The following NOL7 variants were observed in gnomAD, a reference collection of about 807,000 sequenced individuals.
The protein encoded by NOL7 is U3 small nucleolar RNA-associated protein NOL7.
Under a neutral mutation model 38.4 loss-of-function variants are expected in NOL7, and 36 were observed. The ratio of observed to expected loss-of-function variants is 0.94; its 90% CI spans 0.72 to 1.24. NOL7 has a LOEUF of 1.24. NOL7 is among the 50% of genes most tolerant of loss of function. The pLI is 0.00. For missense variants in NOL7, 350 were observed against 315.1 expected (o/e 1.11, Z -0.84); for synonymous variants, 142 against 126.5 (o/e 1.12, Z -0.82).
chr6:13,620,961 C>A lies in NOL7; in HGVS notation c.*134C>A. ...AAGTGCTCAACCACATTTCATTCTTCTGGAGTAGAACTGTGCCTTGCAATC... is the reference window on the plus strand; with the variant it reads ...AAGTGCTCAACCACATTTCATTCTTATGGAGTAGAACTGTGCCTTGCAATC... On this transcript the variant is annotated 3_prime_UTR_variant, in exon 8 of 8. Transcript: ENST00000451315. 1 of 589,644 alleles carries A rather than the reference C, an allele frequency of 1.7e-6. No individual in the cohort carries two copies. Among genetic ancestry groups the A allele is most frequent in the Non-Finnish European group, 2.9e-6 (1 of 339,714 alleles). The allele number at this position is 589,644 out of a possible 1,614,324, so 36.5% of individuals were successfully genotyped here.
chr6:13,615,896 CAGT>C (rs1323574947), intron 2 of NOL7, 124 bp downstream of exon 2: 2 of 1,014,528 alleles, frequency 2.0e-6, no homozygotes, highest in African/African-American at 3.3e-5. Flanking sequence ...TTGCCTCTGA[CAGT>C]GGTGGAAAGA....
At position 13,615,808 on chromosome 6, in the gene NOL7, A is replaced by G. The variant is rs138699510; in HGVS notation, c.327+36A>G. ...AGGGAGGAGGTGTCTTATTAAAACAACTCGGCTCAGGGAGAATTCCTATGG... is the reference window on the plus strand; with the variant it reads ...AGGGAGGAGGTGTCTTATTAAAACAGCTCGGCTCAGGGAGAATTCCTATGG... On this transcript the variant is annotated intron_variant, in intron 2 of 7. Transcript: ENST00000451315. The G allele has an allele frequency of 2.4e-4, 380 of 1,584,000 alleles. 2 individuals carry two copies. The East Asian group carries it at 5.4e-3, about 22-fold the overall frequency.
chr6:13,621,226 T>C lies in NOL7; in HGVS notation c.*399T>C, dbSNP rs2127755754. The stretch of plus-strand genomic sequence containing the variant: ...ATATAGCTAACAGCTTTTAAATTTT[T>C]ACTTTTAACCAGTCTGGGGATTTGC... On this transcript the variant is annotated 3_prime_UTR_variant, in exon 8 of 8. Coordinates refer to ENST00000451315, the MANE Select transcript of NOL7 (RefSeq NM_016167.5). 1 of 154,554 alleles carries C rather than the reference T, an allele frequency of 6.5e-6. No homozygotes were observed. The highest frequency in any genetic ancestry group is 2.4e-5 in the African/African-American group (1 of 41,596). 9.6% of individuals were successfully genotyped at this position (154,554 alleles called of 1,614,324 possible). A position where few individuals can be genotyped will look rare whatever the true frequency, so the allele number is the denominator to read the frequency against.
chr6:13,625,595 C>A, downstream of NOL7: 1 of 1,233,188 alleles, frequency 8.1e-7, no homozygotes. Context: ...GTACAAACAC[C>A]CTCTCTTAAA....
chr6:13,615,351 C>A lies in NOL7; in HGVS notation c.-8C>A, dbSNP rs534402764. 5 of 1,477,932 alleles carry A rather than the reference C, an allele frequency of 3.4e-6. No individual in the cohort carries two copies. The African/African-American group carries it at 7.0e-5, about 21-fold the overall frequency. 91.6% of individuals were successfully genotyped at this position (1,477,932 alleles called of 1,614,324 possible). A position where few individuals can be genotyped will look rare whatever the true frequency, so the allele number is the denominator to read the frequency against. ...TCAGAGGTCAGACGGTCTAGCGCTG[C>A]GTGGGCCATGGTGCAGCTCCGACCG... On this transcript the variant is annotated 5_prime_UTR_variant, in exon 1 of 8. Coordinates refer to ENST00000451315, the MANE Select transcript of NOL7 (RefSeq NM_016167.5).
At position 13,620,265 on chromosome 6, in the gene NOL7, G is replaced by A; in HGVS notation, c.558G>A (p.Arg186=). Residue 186 remains arginine (R), a synonymous_variant, in exon 6 of 8, where the codon AGG becomes AGA. Coordinates refer to ENST00000451315, the MANE Select transcript of NOL7 (RefSeq NM_016167.5). ...AAGACCAAGATCTGAGAGATTCAAG[G>A]CAACAAGCAGCACAAGCCTTCATAC... The part of the protein sequence containing the change: ...RLKDQDLRDS[R]QQAAQAFIHN... The A allele has an allele frequency of 6.2e-7, 1 of 1,614,144 alleles. No homozygotes were observed. Among genetic ancestry groups the A allele is most frequent in the Non-Finnish European group, 8.5e-7 (1 of 1,180,002 alleles).
Position 13,616,540 on chromosome 6 carries a change from T to TA in NOL7, c.386+20dup. The TA allele has an allele frequency of 6.4e-7, 1 of 1,555,726 alleles. No individual in the cohort carries two copies. Among genetic ancestry groups the TA allele is most frequent in the Middle Eastern group, 1.7e-4 (1 of 5,888 alleles). On this transcript the variant is annotated intron_variant, in intron 3 of 7. Transcript: ENST00000451315. ...AGACTAAGTAAGTAATGGATCTTTT[T>TA]ATATTACTTGCTTATATACACCCAT... is the stretch of plus-strand genomic sequence containing the variant.
chr6:13,624,305 G>C (rs1764538468), downstream of NOL7, among the ~76,000 whole-genome samples: 1 of 152,144 alleles, frequency 6.6e-6, no homozygotes, highest in Admixed American at 6.5e-5. Context: ...TGCTGTAAGA[G>C]TCCTGGCCCT....
downstream of NOL7, chr6:13,625,799 A>G (rs866242775): frequency 1.8e-5 from 25 of 1,403,520 alleles, 1 homozygote; most frequent in Middle Eastern, 3.7e-3. Context: ...TTTAATTCAA[A>G]TAGTTCAACT....
At chr6:13,617,468 T>C (rs1764322543) in intron 3 of NOL7, among the ~76,000 whole-genome samples, 1 of 152,252 alleles carries the variant, frequency 6.6e-6, no homozygotes, top group South Asian at 2.1e-4. Flanking sequence ...TCAAATACTT[T>C]ATAACTTGTT....
intron 4 of NOL7, 57 bp downstream of exon 4, chr6:13,617,858 T>C (rs761539330): frequency 5.9e-6 from 9 of 1,515,424 alleles, no homozygotes; most frequent in Non-Finnish European, 7.3e-6. Flanking sequence ...CACTTGCAGA[T>C]GTTTCCAGTC....
rs1442060707 is a variant in NOL7, at chr6:13,618,113, TAAAGTACAA to T, written c.483_491del (p.Lys162_Gln164del). ...AAAAAGGAAATGACTCCAAGAAAGT[TAAAGTACAA>T]AAAGTACAGTCTGTCAGGTAATGAG... On this transcript the variant is annotated inframe_deletion, in exon 5 of 8. Coordinates refer to ENST00000451315, the MANE Select transcript of NOL7 (RefSeq NM_016167.5). 6.3e-7 allele frequency: 1 copy of T among 1,592,470 alleles called. No individual in the cohort carries two copies. The highest frequency in any genetic ancestry group is 8.6e-7 in the Non-Finnish European group (1 of 1,162,016).
chr6:13,616,209 C>G (rs1764283511), intron 2 of NOL7, among the ~76,000 whole-genome samples: 1 of 152,200 alleles, frequency 6.6e-6, no homozygotes, highest in African/African-American at 2.4e-5. Flanking sequence ...TACTTAACTG[C>G]TTTCAATTTA....
In NOL7 at chr6:13,616,465, A is replaced by T; in HGVS notation, c.330A>T (p.Lys110Asn). 2 of 1,605,728 alleles carry T rather than the reference A, an allele frequency of 1.2e-6. No homozygotes were observed. The highest frequency in any genetic ancestry group is 1.7e-6 in the Non-Finnish European group (2 of 1,175,566). The change falls in exon 3 of 8, where the codon AAA (lysine) becomes AAT (asparagine). Residue 110 changes from lysine (K) to asparagine (N), a missense_variant and splice_region_variant. Lys to Asn is a moderately conservative substitution (Grantham distance 94). Coordinates refer to ENST00000451315, the MANE Select transcript of NOL7 (RefSeq NM_016167.5). ...TTTAAACGTTTTCATTCCAAAAGAAAAGAAAACTCCTTCCAGACACTATTT... is the reference window on the plus strand; with the variant it reads ...TTTAAACGTTTTCATTCCAAAAGAATAGAAAACTCCTTCCAGACACTATTT... The part of the protein sequence containing the change: ...RREELFIEQK[K>N]RKLLPDTILE...
chr6:13,622,630 T>C, downstream of NOL7: 2 of 953,942 alleles, frequency 2.1e-6, no homozygotes, highest in Non-Finnish European at 2.9e-6. Flanking sequence ...TGAAGGTTTC[T>C]AAGCAAAAGA....
At chr6:13,615,933 CT>C (rs1764270420) in intron 2 of NOL7, among the ~76,000 whole-genome samples, 161 bp downstream of exon 2, 1 of 152,074 alleles carries the variant, frequency 6.6e-6, no homozygotes. Flanking sequence ...CGCGGCAGTA[CT>C]TTAGTTGGAC....
intron 8 of NOL7, among the ~76,000 whole-genome samples, chr6:13,632,193 A>G (rs1011157281): frequency 8.2e-6 from 1 of 121,790 alleles, no homozygotes; most frequent in African/African-American, 3.2e-5. Context: ...TCTTTCCAGT[A>G]GATCAGAACT....
At position 13,620,239 on chromosome 6, in the gene NOL7, A is replaced by G. The variant is rs766861896; in HGVS notation, c.532A>G (p.Lys178Glu). Residue 178 changes from lysine (K) to glutamate (E), a missense_variant, in exon 6 of 8, where the codon AAA (lysine) becomes GAA (glutamate). Lys to Glu is a moderately conservative substitution (Grantham distance 56). Coordinates refer to ENST00000451315, the MANE Select transcript of NOL7 (RefSeq NM_016167.5). ...QNKSYLAVRLKDQDLRDSRQQ... is the reference protein window; with the variant it reads ...QNKSYLAVRLEDQDLRDSRQQ... ...TAAAAGCTACTTGGCCGTAAGGCTA[A>G]AAGACCAAGATCTGAGAGATTCAAG... The G allele has an allele frequency of 1.2e-5, 20 of 1,614,022 alleles. No homozygotes were observed. In the East Asian group the frequency reaches 4.0e-4, roughly 32 times the overall value.
At chr6:13,625,122 A>C (rs1158814142), downstream of NOL7, among the ~76,000 whole-genome samples, 1 of 151,892 alleles carries the variant, frequency 6.6e-6, no homozygotes, top group African/African-American at 2.4e-5. Flanking sequence ...ACCTTTCTTG[A>C]CCTCTTTTCT....
Sources: gnomAD v4.1 joint callset for allele counts (sites outside exome capture counted in the v4.1 genomes callset) on GRCh38, gnomAD v4.1.1 for gene constraint, MANE v1.5 for transcripts, NCBI Gene and HGNC (gene_info 2026-07-23, HGNC 2026-07-21) for gene names.